The following PLBD2 variants were observed in gnomAD, a reference collection of about 807,000 sequenced individuals.
The protein encoded by PLBD2 is phospholipase B domain containing 2.
A neutral mutation model predicts 68.3 loss-of-function variants in PLBD2; 51 were observed. The ratio of observed to expected loss-of-function variants is 0.75; its 90% CI spans 0.60 to 0.94. PLBD2 has a LOEUF of 0.94. Among genes scored for constraint, PLBD2 ranks in the 40% least tolerant of loss-of-function variants. PLBD2 has a pLI of 0.00. For missense variants in PLBD2, 729 were observed against 792.2 expected (o/e 0.92, Z 0.96); for synonymous variants, 314 against 339.3 (o/e 0.93, Z 0.82).
intron 2 of PLBD2, among the ~76,000 whole-genome samples, chr12:113,371,194 G>A (rs1481513928): frequency 6.6e-6 from 1 of 152,198 alleles, no homozygotes; most frequent in Non-Finnish European, 1.5e-5. Context: ...AGTTGAACCT[G>A]CATGTGCCTT....
Position 113,387,832 on chromosome 12 carries a change from G to A in PLBD2, c.1528G>A (p.Asp510Asn), listed in dbSNP as rs746818510. The A allele has an allele frequency of 9.9e-6, 16 of 1,614,162 alleles. No individual in the cohort carries two copies. Among genetic ancestry groups the A allele is most frequent in the Non-Finnish European group, 1.3e-5 (15 of 1,180,014 alleles). Residue 510 changes from aspartate to asparagine, a missense_variant, in exon 11 of 12, where the codon GAC becomes AAC. Asp to Asn is a conservative substitution (Grantham distance 23). Transcript: ENST00000280800. ...GGAGAATGCTATCTCCGCCCGCTCC[G>A]ACCTCAACCCGGCCAATGGCTCCTA... ...NGENAISARSDLNPANGSYPF... is the reference protein window; with the variant it reads ...NGENAISARSNLNPANGSYPF...
chr12:113,376,144 G>A lies in PLBD2; in HGVS notation c.859+1137G>A, dbSNP rs142091013. Among the ~76,000 whole-genome samples the A allele has an allele frequency of 5.1e-3, 756 of 147,210 alleles. 8 individuals are homozygous for A. Among genetic ancestry groups the A allele is most frequent in the African/African-American group, 0.018 (715 of 39,772 alleles). ...GCTTGGATTACAGGTGTGAGCCACC[G>A]CACCTGGCTTGACACAGCATTTTTT... On this transcript the variant is annotated intron_variant, in intron 5 of 11. Transcript: ENST00000280800.
chr12:113,387,954 A>G (rs773153146), intron 11 of PLBD2, 48 bp downstream of exon 11: 2 of 1,598,940 alleles, frequency 1.3e-6, no homozygotes, highest in African/African-American at 1.3e-5. Context: ...GGAAGTCACC[A>G]TCACCAGCTT....
At position 113,372,893 on chromosome 12, in the gene PLBD2, A is replaced by G. The variant is rs1031295688; in HGVS notation, c.543+86A>G. 5 of 1,485,402 alleles carry G rather than the reference A, an allele frequency of 3.4e-6. No homozygotes were observed. The African/African-American group carries it at 4.2e-5, about 12-fold the overall frequency. The allele number at this position is 1,485,402 out of a possible 1,614,324, so 92.0% of individuals were successfully genotyped here. On this transcript the variant is annotated intron_variant, in intron 3 of 11. Transcript: ENST00000280800. This position sits in a 1 kb window ranked among gnomAD's most constrained non-coding sequence, Gnocchi z 4.2. ...CTGTTGTTCTGGCCAGCCTTGTGGCATGTCCAGCTGCCCAGCCGCCTCTGT... is the reference window on the plus strand; with the variant it reads ...CTGTTGTTCTGGCCAGCCTTGTGGCGTGTCCAGCTGCCCAGCCGCCTCTGT...
At position 113,367,809 on chromosome 12, in the gene PLBD2, C is replaced by T. The variant is rs1380606055; in HGVS notation, c.291-1307C>T. Among the ~76,000 whole-genome samples the T allele has an allele frequency of 2.0e-5, 3 of 150,268 alleles. No individual in the cohort carries two copies. In the East Asian group the frequency reaches 5.9e-4, roughly 30 times the overall value. On this transcript the variant is annotated intron_variant, in intron 1 of 11. Transcript: ENST00000280800. ...GTGGCCTTAAGCTACTGTAAAGTAT[C>T]TTAACAAAGTGCCTGTAATCCCAGC... is the stretch of plus-strand genomic sequence containing the variant.
chr12:113,374,842 A>G lies in PLBD2; in HGVS notation c.694A>G (p.Lys232Glu), dbSNP rs747629350. The G allele has an allele frequency of 4.3e-6, 7 of 1,613,696 alleles. No individual in the cohort carries two copies. The Admixed American group carries it at 1.2e-4, about 27-fold the overall frequency. Residue 232 changes from lysine (K) to glutamate (E), a missense_variant, in exon 5 of 12, where the codon AAG (lysine) becomes GAG (glutamate). Physicochemically the swap from Lys to Glu is moderately conservative, Grantham distance 56. Transcript: ENST00000280800. ...DLEDLELALN[K>E]TKIKPSLGSG... ...GGAAGACCTGGAGCTGGCCCTGAAC[A>G]AGACCAAGATCAAACCTTCTCTGGG...
At position 113,369,203 on chromosome 12, in the gene PLBD2, G is replaced by A. The variant is rs139475613; in HGVS notation, c.378G>A (p.Ser126=). The change falls in exon 2 of 12, where the codon TCG becomes TCA. Residue 126 remains serine, a synonymous_variant. Transcript: ENST00000280800. ...YAAGVVEAAV[S]EELIYMHWMN... ...CCGGTGTGGTGGAGGCTGCTGTGTC[G>A]GAGGAGGTAAGGGCCAAGGTGGGGA... 23 of 1,599,972 alleles carry A rather than the reference G, an allele frequency of 1.4e-5. No homozygotes were observed. The highest frequency in any genetic ancestry group is 5.4e-5 in the African/African-American group (4 of 74,748).
At chr12:113,362,705 G>A (rs147822339) in intron 1 of PLBD2, among the ~76,000 whole-genome samples, 22 of 151,808 alleles carry the variant, frequency 1.4e-4, no homozygotes, top group African/African-American at 4.1e-4. Context: ...CCCTGTCAGC[G>A]TTTATCTCAT....
chr12:113,368,588 TGAA>T (rs766396807), intron 1 of PLBD2, among the ~76,000 whole-genome samples: 5 of 152,078 alleles, frequency 3.3e-5, no homozygotes, highest in Non-Finnish European at 7.4e-5. Context: ...CAAGCCCAAA[TGAA>T]GGAGCAGGGA....
chr12:113,359,215 A>G (rs762560825), intron 1 of PLBD2: 4 of 298,286 alleles, frequency 1.3e-5, no homozygotes, highest in Admixed American at 5.5e-5. Flanking sequence ...GGTAAATTCT[A>G]TCCTCACGGG....
intron 5 of PLBD2, chr12:113,376,777 A>C (rs1957441480): frequency 6.6e-6 from 1 of 152,262 alleles, no homozygotes; most frequent in East Asian, 1.9e-4. Flanking sequence ...TGATCACGCC[A>C]TGACACCCCA....
intron 1 of PLBD2, 75 bp downstream of exon 1, chr12:113,358,965 G>A: frequency 3.5e-6 from 5 of 1,411,602 alleles, no homozygotes; most frequent in Middle Eastern, 2.5e-4. Flanking sequence ...GCCTGTTCCC[G>A]GGACCGGCCT....
chr12:113,371,480 G>A lies in PLBD2; in HGVS notation c.385-1169G>A, dbSNP rs560730922. On this transcript the variant is annotated intron_variant, in intron 2 of 11. Coordinates refer to ENST00000280800, the MANE Select transcript of PLBD2 (RefSeq NM_173542.4). Reference sequence around the variant, plus strand: ...ACACTGCTCCTTCTGACACCCAGTCGCAGTTGTGGGTGGCCCTCTGGGACC... The same window carrying A: ...ACACTGCTCCTTCTGACACCCAGTCACAGTTGTGGGTGGCCCTCTGGGACC... Among the ~76,000 whole-genome samples the A allele has an allele frequency of 7.8e-4, 119 of 152,340 alleles. 1 individual carries two copies. The highest frequency in any genetic ancestry group is 1.3e-3 in the Non-Finnish European group (90 of 68,028).
rs949594271 is a variant in PLBD2, at chr12:113,378,630, G to A, written c.860-2115G>A. Among the ~76,000 whole-genome samples, 3 of 150,698 alleles carry A rather than the reference G, an allele frequency of 2.0e-5. No individual in the cohort carries two copies. The South Asian group carries it at 6.3e-4, about 31-fold the overall frequency. ...TCCTGCCTCAGCCTCCCAAAGCACTGGGATTTCAGGTGTGAGCCTCTGCGC... is the reference window on the plus strand; with the variant it reads ...TCCTGCCTCAGCCTCCCAAAGCACTAGGATTTCAGGTGTGAGCCTCTGCGC... On this transcript the variant is annotated intron_variant, in intron 5 of 11. Transcript: ENST00000280800.
chr12:113,376,368 TG>T (rs1957438342), intron 5 of PLBD2, among the ~76,000 whole-genome samples: 2 of 152,010 alleles, frequency 1.3e-5, no homozygotes, highest in South Asian at 4.1e-4. Context: ...TTTGCCATGT[TG>T]GCCAGGCTGG....
chr12:113,388,809 C>A lies in PLBD2; in HGVS notation c.*183C>A. 3.5e-6 allele frequency: 2 copies of A among 574,212 alleles called. No individual in the cohort carries two copies. Among genetic ancestry groups the A allele is most frequent in the Non-Finnish European group, 5.6e-6 (2 of 354,306 alleles). The allele number at this position is 574,212 out of a possible 1,614,324, so 35.6% of individuals were successfully genotyped here. A position where few individuals can be genotyped will look rare whatever the true frequency, so the allele number is the denominator to read the frequency against. On this transcript the variant is annotated 3_prime_UTR_variant, in exon 12 of 12. Transcript: ENST00000280800. The stretch of plus-strand genomic sequence containing the variant: ...ATGGGGCTCAGAACTGACCCCCTCT[C>A]TCCCCCGAGGTGGGTGGGCACCGTG...
In PLBD2 at chr12:113,358,709, G is replaced by T. The variant is rs775199853; in HGVS notation, c.109G>T (p.Gly37Cys). 7.1e-5 allele frequency: 99 copies of T among 1,397,722 alleles called. No homozygotes were observed. The Middle Eastern group carries it at 1.5e-3, about 21-fold the overall frequency. The allele number at this position is 1,397,722 out of a possible 1,614,324, so 86.6% of individuals were successfully genotyped here. A position where few individuals can be genotyped will look rare whatever the true frequency, so the allele number is the denominator to read the frequency against. Residue 37 changes from glycine to cysteine, a missense_variant, in exon 1 of 12, where the codon GGC becomes TGC. Gly to Cys is a radical substitution (Grantham distance 159, BLOSUM62 -3). Coordinates refer to ENST00000280800, the MANE Select transcript of PLBD2 (RefSeq NM_173542.4). ...LALLVGPFLS[G>C]LAGAIPAPGG... is the part of the protein sequence containing the mutation. ...CCTGCTGGTCGGGCCGTTCCTGAGC[G>T]GCCTGGCGGGGGCGATCCCAGCGCC...
chr12:113,385,139 T>TC (rs1316271634), intron 8 of PLBD2, 73 bp from the exon 9 acceptor site: 79 of 1,524,174 alleles, frequency 5.2e-5, no homozygotes, highest in Non-Finnish European at 6.9e-5. Context: ...CCATCGGGGC[T>TC]CCCCGAGCAG....
At chr12:113,370,472 CTTTTTTTTTTTTTTTTTTTTTT>C (rs1048177805) in intron 2 of PLBD2, among the ~76,000 whole-genome samples, 2 of 103,642 alleles carry the variant, frequency 1.9e-5, no homozygotes, top group African/African-American at 7.4e-5. Flanking sequence ...TTTTTCTTTT[CTTTTTTTTTTTTTTTTTTTTTT>C]GAGACAGAGT....
Sources: allele counts gnomAD v4.1 joint callset (sites outside exome capture counted in the v4.1 genomes callset), GRCh38; gene constraint gnomAD v4.1.1; non-coding constraint Gnocchi (gnomAD v3.1); transcripts MANE v1.5; gene names NCBI Gene and HGNC (gene_info 2026-07-23, HGNC 2026-07-21).